Variants in SLC30A9 observed in about 807,000 individuals in gnomAD.
SLC30A9 encodes the protein solute carrier family 30 member 9, also known as proton-coupled zinc antiporter SLC30A9, mitochondrial.
A neutral mutation model predicts 87.5 loss-of-function variants in SLC30A9; 58 were observed. The observed-to-expected ratio is 0.66, with a 90% CI of 0.54 to 0.82. SLC30A9 has a LOEUF of 0.82. SLC30A9 is among the 40% of genes least tolerant of loss of function. The pLI is 0.00. For synonymous variants in SLC30A9, 234 were observed against 233.0 expected (o/e 1.00, Z -0.04); for missense variants, 557 against 679.1 (o/e 0.82, Z 2.00).
intron 1 of SLC30A9, among the ~76,000 whole-genome samples, chr4:41,998,238 G>A (rs17445605): frequency 0.048 from 7,339 of 152,234 alleles, 250 homozygotes; most frequent in African/African-American, 0.077. Context: ...TGGCTGTTCT[G>A]AGTAGACTGC....
At chr4:42,061,725 C>T (rs1034483854) in intron 10 of SLC30A9, among the ~76,000 whole-genome samples, 2 of 151,000 alleles carry the variant, frequency 1.3e-5, no homozygotes, top group African/African-American at 4.9e-5. Flanking sequence ...TGGAGAAACC[C>T]CATCTCTACT....
At chr4:42,045,441 G>A (rs1326627968) in intron 8 of SLC30A9, among the ~76,000 whole-genome samples, 1 of 152,040 alleles carries the variant, frequency 6.6e-6, no homozygotes, top group Non-Finnish European at 1.5e-5. Flanking sequence ...ACACCTCTAC[G>A]CAAATAAACT....
At chr4:42,029,293 G>A (rs1282680475) in intron 6 of SLC30A9, 4 of 477,308 alleles carry the variant, frequency 8.4e-6, no homozygotes, top group East Asian at 1.1e-4. Flanking sequence ...AGGCAGGACT[G>A]GTGGCAGTTG....
Position 41,990,568 on chromosome 4 carries a change from T to A in SLC30A9, c.-84T>A, listed in dbSNP as rs1714378222. On this transcript the variant is annotated 5_prime_UTR_variant, in exon 1 of 18. It removes an upstream start codon present in the reference 5' UTR. Transcript: ENST00000264451. The stretch of plus-strand genomic sequence containing the variant: ...CGGCGAAGCCATCGGTGTTCGCTGA[T>A]GTCCAGTCTATGGAGTCAGTTGGTA... 1 of 773,344 alleles carries A rather than the reference T, an allele frequency of 1.3e-6. No individual in the cohort carries two copies. The highest frequency in any genetic ancestry group is 2.1e-6 in the Non-Finnish European group (1 of 481,852). The allele number at this position is 773,344 out of a possible 1,614,324, so 47.9% of individuals were successfully genotyped here.
chr4:42,005,746 C>T (rs1216623418), intron 2 of SLC30A9, among the ~76,000 whole-genome samples: 2 of 152,166 alleles, frequency 1.3e-5, no homozygotes, highest in Non-Finnish European at 2.9e-5. Context: ...ACTAACAATG[C>T]ATTTAAAAAG....
At position 42,054,675 on chromosome 4, in the gene SLC30A9, A is replaced by G. The variant is rs557415448; in HGVS notation, c.840+5196A>G. ...CCAGCTAATTTTTTGTATTTTTAGT[A>G]GAGACGGGGTTTCACCGTGTTAGCC... On this transcript the variant is annotated intron_variant, in intron 9 of 17. Coordinates refer to ENST00000264451, the MANE Select transcript of SLC30A9 (RefSeq NM_006345.4). Among the ~76,000 whole-genome samples, 44 of 151,862 alleles carry G rather than the reference A, an allele frequency of 2.9e-4. 1 individual carries two copies. Among genetic ancestry groups the G allele is most frequent in the Admixed American group, 2.6e-3 (39 of 15,270 alleles).
At chr4:42,077,298 T>C (rs371278777) in intron 16 of SLC30A9, among the ~76,000 whole-genome samples, 54 of 152,328 alleles carry the variant, frequency 3.5e-4, no homozygotes, top group African/African-American at 1.2e-3. Context: ...TAATAAACAT[T>C]GAAGTTCATT....
rs116251864 is a variant in SLC30A9 at position 42,029,496 on chromosome 4, T to A, written c.611-5779T>A. On this transcript the variant is annotated intron_variant, in intron 6 of 17. Coordinates refer to ENST00000264451, the MANE Select transcript of SLC30A9 (RefSeq NM_006345.4). ...CTGAAATTGCCTTTCATCCTAATGA[T>A]CCCAAGCACTGTGAGGCATATGTGC... is the stretch of plus-strand genomic sequence containing the variant. 2.8e-3 allele frequency: 1,886 copies of A among 670,244 alleles called. 28 individuals carry two copies. In the African/African-American group the frequency reaches 0.031, roughly 11 times the overall value. The allele number at this position is 670,244 out of a possible 1,614,324, so 41.5% of individuals were successfully genotyped here. A position where few individuals can be genotyped will look rare whatever the true frequency, so the allele number is the denominator to read the frequency against.
At chr4:42,005,048 C>A (rs926737641) in intron 2 of SLC30A9, among the ~76,000 whole-genome samples, 10 of 152,086 alleles carry the variant, frequency 6.6e-5, no homozygotes, top group Non-Finnish European at 1.5e-5. Context: ...ACATTAGATA[C>A]GTTAAACATA....
At chr4:42,063,203 G>A in intron 11 of SLC30A9, 82 bp downstream of exon 11, 1 of 1,283,048 alleles carries the variant, frequency 7.8e-7, no homozygotes, top group East Asian at 2.3e-5. Flanking sequence ...TCATATTGGT[G>A]TTAAAGGAGA....
intron 2 of SLC30A9, among the ~76,000 whole-genome samples, chr4:42,015,079 C>T (rs928746738): frequency 4.6e-5 from 7 of 151,540 alleles, no homozygotes; most frequent in Admixed American, 6.6e-5. Context: ...GTAACACAAA[C>T]GATAAATATT....
At chr4:42,056,073 C>G (rs1003534311) in intron 9 of SLC30A9, among the ~76,000 whole-genome samples, 3 of 152,064 alleles carry the variant, frequency 2.0e-5, no homozygotes, top group Admixed American at 6.6e-5. Context: ...TTGGGGTGGT[C>G]TCATTTTTGT....
intron 8 of SLC30A9, among the ~76,000 whole-genome samples, chr4:42,041,334 G>C (rs1194560601): frequency 6.6e-6 from 1 of 152,110 alleles, no homozygotes; most frequent in African/African-American, 2.4e-5. Context: ...CGCCAGGCTG[G>C]AGTGCAGTGG....
At chr4:42,078,103 T>C in intron 16 of SLC30A9, 109 bp from the exon 17 acceptor site, 1 of 573,880 alleles carries the variant, frequency 1.7e-6, no homozygotes, top group Non-Finnish European at 3.1e-6. Flanking sequence ...TTAAAAATGT[T>C]CATTAAACTT....
intron 1 of SLC30A9, 22 bp downstream of exon 1, chr4:41,990,782 C>T: frequency 6.4e-7 from 1 of 1,573,312 alleles, no homozygotes; most frequent in Non-Finnish European, 8.7e-7. Context: ...GCGCTGGCCG[C>T]TGGCTCCGTA....
At chr4:42,015,544 A>G (rs1002829009) in intron 2 of SLC30A9, among the ~76,000 whole-genome samples, 4 of 152,194 alleles carry the variant, frequency 2.6e-5, no homozygotes, top group African/African-American at 4.8e-5. Flanking sequence ...GTTTCATTCC[A>G]TGTTTTCAGA....
chr4:42,042,421 G>T (rs1280684236), intron 8 of SLC30A9, among the ~76,000 whole-genome samples: 1 of 152,118 alleles, frequency 6.6e-6, no homozygotes, highest in East Asian at 1.9e-4. Context: ...GCTTGAGTAG[G>T]CAGTTTTCCC....
In SLC30A9 at chr4:41,990,695, G is replaced by C. The variant is rs769918635; in HGVS notation, c.44G>C (p.Trp15Ser). 6.2e-7 allele frequency: 1 copy of C among 1,612,238 alleles called. No individual in the cohort carries two copies. Among genetic ancestry groups the C allele is most frequent in the Admixed American group, 1.7e-5 (1 of 59,988 alleles). ...GCCGCCGCGGCCCACAGATGTAGCT[G>C]GTCCTCCCTGTGCCGGCTCCGTCTG... ...LAAAAAHRCS[W>S]SSLCRLRLRC... The change falls in exon 1 of 18, where the codon TGG (tryptophan) becomes TCG (serine). Residue 15 changes from tryptophan to serine, a missense_variant. Physicochemically the swap from Trp to Ser is radical, Grantham distance 177. Coordinates refer to ENST00000264451, the MANE Select transcript of SLC30A9 (RefSeq NM_006345.4).
intron 2 of SLC30A9, among the ~76,000 whole-genome samples, chr4:42,014,867 GGA>G (rs891649818): frequency 3.3e-4 from 50 of 151,960 alleles, no homozygotes; most frequent in African/African-American, 1.1e-3. Context: ...GTAAATTCAT[GGA>G]GAGAGAGAGA....
Sources: allele counts gnomAD v4.1 joint callset (sites outside exome capture counted in the v4.1 genomes callset), GRCh38; gene constraint gnomAD v4.1.1; transcripts MANE v1.5; gene names NCBI Gene and HGNC (gene_info 2026-07-23, HGNC 2026-07-21).